PDE4D: variants seen among roughly 807,000 people sequenced by gnomAD.
PDE4D encodes the protein 3',5'-cyclic-AMP phosphodiesterase 4D.
A neutral mutation model predicts 87.4 loss-of-function variants in PDE4D; 24 were observed. The ratio of observed to expected loss-of-function variants is 0.27; its 90% CI spans 0.20 to 0.39. The LOEUF (loss-of-function observed/expected upper bound fraction) is 0.39. PDE4D is among the 10% of genes least tolerant of loss of function. The pLI, the probability that PDE4D is intolerant of heterozygous loss-of-function variation, is 1.00. For missense variants in PDE4D, 714 were observed against 1,041.0 expected (o/e 0.69, Z 4.32); for synonymous variants, 384 against 383.2 (o/e 1.00, Z -0.02).
At chr5:60,126,954 A>G (rs752123456) in intron 2 of PDE4D, among the ~76,000 whole-genome samples, 2 of 152,208 alleles carry the variant, frequency 1.3e-5, no homozygotes, top group Non-Finnish European at 2.9e-5. Context: ...ACAGTGAAAG[A>G]AGTATGCAGC....
At chr5:60,328,758 T>C (rs1757033769) in intron 1 of PDE4D, among the ~76,000 whole-genome samples, 1 of 152,234 alleles carries the variant, frequency 6.6e-6, no homozygotes, top group Admixed American at 6.5e-5. Context: ...TACCCCAGAA[T>C]ATGCCATTTT....
chr5:59,527,187 T>C (rs747624977), intron 1 of PDE4D, among the ~76,000 whole-genome samples: 2 of 152,188 alleles, frequency 1.3e-5, no homozygotes, highest in Non-Finnish European at 2.9e-5. Flanking sequence ...GCAAGTGTGT[T>C]TACAACATTT....
intron 1 of PDE4D, among the ~76,000 whole-genome samples, chr5:59,836,424 A>G (rs57082705): frequency 0.025 from 3,756 of 152,178 alleles, 151 homozygotes; most frequent in African/African-American, 0.086. Flanking sequence ...AAATAAATAC[A>G]AAGAGATATC....
chr5:59,749,264 T>C (rs1760077799), intron 1 of PDE4D, among the ~76,000 whole-genome samples: 1 of 152,074 alleles, frequency 6.6e-6, no homozygotes, highest in African/African-American at 2.4e-5. Context: ...CTGTTGTTGT[T>C]GTTTCTTTGT....
intron 6 of PDE4D, among the ~76,000 whole-genome samples, chr5:59,014,389 T>C (rs1009259410): frequency 6.6e-6 from 1 of 152,168 alleles, no homozygotes; most frequent in African/African-American, 2.4e-5. Context: ...ATTATATATT[T>C]AGAAAACCCC....
rs752551646 is a variant in PDE4D at position 60,209,285 on chromosome 5, A to T, written c.-89-23598T>A. ...CTTATACTTTAGGAAATTAATCAGG[A>T]AATTCCTAATGATACGTAGCTTCCC... On this transcript the variant is annotated intron_variant, in intron 1 of 16. Transcript: ENST00000502484. 9.9e-5 allele frequency among the ~76,000 whole-genome samples: 15 copies of T among 150,986 alleles called. 1 individual carries two copies. The highest frequency in any genetic ancestry group is 2.9e-5 in the Non-Finnish European group (2 of 67,886).
chr5:59,818,211 G>A (rs1769221215), intron 1 of PDE4D, among the ~76,000 whole-genome samples: 1 of 152,240 alleles, frequency 6.6e-6, no homozygotes, highest in Non-Finnish European at 1.5e-5. Context: ...TTGCAGAGAG[G>A]AAATGTATAA....
At chr5:59,651,030 C>A (rs376638321) in intron 1 of PDE4D, among the ~76,000 whole-genome samples, 1 of 151,738 alleles carries the variant, frequency 6.6e-6, no homozygotes, top group Non-Finnish European at 1.5e-5. Flanking sequence ...CCGAGGTGGG[C>A]GGATCACGAG....
At chr5:60,464,918 A>G (rs1435134415) in intron 1 of PDE4D, among the ~76,000 whole-genome samples, 2 of 152,134 alleles carry the variant, frequency 1.3e-5, no homozygotes, top group South Asian at 2.1e-4. Context: ...CCTAGACAAT[A>G]AAGTGAGATC....
intron 1 of PDE4D, among the ~76,000 whole-genome samples, chr5:60,397,185 C>T (rs997302448): frequency 1.3e-5 from 2 of 152,196 alleles, no homozygotes; most frequent in African/African-American, 4.8e-5. Flanking sequence ...CATCTGCACA[C>T]TGTTCATGGG....
At chr5:59,732,741 G>A (rs1757550340) in intron 1 of PDE4D, among the ~76,000 whole-genome samples, 1 of 152,054 alleles carries the variant, frequency 6.6e-6, no homozygotes, top group African/African-American at 2.4e-5. Flanking sequence ...AAAAATTGGA[G>A]CTAATTAAAT....
intron 2 of PDE4D, among the ~76,000 whole-genome samples, chr5:60,051,684 G>T (rs1770172026): frequency 6.6e-6 from 1 of 151,662 alleles, no homozygotes; most frequent in Non-Finnish European, 1.5e-5. Flanking sequence ...AAACAACTAA[G>T]ACCAGAGCAG....
At chr5:59,590,768 C>T (rs1561279579) in intron 1 of PDE4D, among the ~76,000 whole-genome samples, 1 of 151,936 alleles carries the variant, frequency 6.6e-6, no homozygotes, top group Admixed American at 6.6e-5. Flanking sequence ...ATATTAACTA[C>T]CCTTAAATGA....
intron 1 of PDE4D, among the ~76,000 whole-genome samples, chr5:60,346,960 T>A (rs1758792982): frequency 6.6e-6 from 1 of 152,178 alleles, no homozygotes; most frequent in Non-Finnish European, 1.5e-5. Context: ...TTGTTCTTAG[T>A]AATGGGCTTG....
intron 1 of PDE4D, among the ~76,000 whole-genome samples, chr5:59,285,679 T>C (rs2153551556): frequency 6.6e-6 from 1 of 152,286 alleles, no homozygotes; most frequent in African/African-American, 2.4e-5. Flanking sequence ...GAGAAACTAT[T>C]ATGCAATGTG....
intron 2 of PDE4D, among the ~76,000 whole-genome samples, chr5:59,991,949 G>A (rs1763047115): frequency 6.6e-6 from 1 of 152,182 alleles, no homozygotes; most frequent in African/African-American, 2.4e-5. Context: ...ATTTCAGTCA[G>A]TGTACAGGGA....
chr5:59,728,823 C>T (rs900717795), intron 1 of PDE4D, among the ~76,000 whole-genome samples: 3 of 151,918 alleles, frequency 2.0e-5, no homozygotes, highest in African/African-American at 7.2e-5. Context: ...AAATAAATGG[C>T]TGTAGATTTC....
chr5:59,327,788 G>C (rs1294432739), intron 1 of PDE4D, among the ~76,000 whole-genome samples: 1 of 152,174 alleles, frequency 6.6e-6, no homozygotes, highest in Admixed American at 6.6e-5. Context: ...CTAAGAGCCA[G>C]GAAATTTGGT....
At chr5:60,059,361 G>GC in intron 2 of PDE4D, among the ~76,000 whole-genome samples, 1 of 151,834 alleles carries the variant, frequency 6.6e-6, no homozygotes, top group Non-Finnish European at 1.5e-5. Context: ...GAACTACCTA[G>GC]AATAGCATAT....
Sources: allele counts gnomAD v4.1 joint callset (sites outside exome capture counted in the v4.1 genomes callset), GRCh38; gene constraint gnomAD v4.1.1; transcripts MANE v1.5; gene names NCBI Gene and HGNC (gene_info 2026-07-23, HGNC 2026-07-21).